Variants in PLCB1 observed in about 807,000 individuals in gnomAD.
PLCB1 encodes the protein phospholipase C beta 1, also known as 1-phosphatidylinositol 4,5-bisphosphate phosphodiesterase beta-1.
Under a neutral mutation model 161.8 loss-of-function variants are expected in PLCB1, and 46 were observed. The ratio of observed to expected loss-of-function variants is 0.28; its 90% CI spans 0.22 to 0.36. PLCB1 has a LOEUF of 0.36. PLCB1 is among the 10% of genes least tolerant of loss of function. The probability of loss-of-function intolerance (pLI) is 1.00; values close to 1 mark genes in which losing one functional copy is unlikely to be tolerated. For synonymous variants in PLCB1, 517 were observed against 503.7 expected, an observed-to-expected ratio of 1.03 and a Z score of -0.35; for missense variants, 1,016 against 1,472.5, an observed-to-expected ratio of 0.69 and a Z score of 5.07.
rs538215898 is a variant in PLCB1, at chr20:8,826,647, A to G, written c.3423+36386A>G. Among the ~76,000 whole-genome samples the G allele has an allele frequency of 4.6e-5, 7 of 152,204 alleles. No individual in the cohort carries two copies. In the South Asian group the frequency reaches 1.5e-3, roughly 32 times the overall value. On this transcript the variant is annotated intron_variant, in intron 31 of 31. Coordinates refer to ENST00000338037, the MANE Select transcript of PLCB1 (RefSeq NM_015192.4). ...CACCATTAACTTAAACTTCTTCTCT[A>G]TTGTTTTGTGTTACCCATGACAGAA...
intron 2 of PLCB1, among the ~76,000 whole-genome samples, chr20:8,239,452 T>C (rs1297748396): frequency 6.6e-6 from 1 of 152,058 alleles, no homozygotes; most frequent in African/African-American, 2.4e-5. Context: ...TGTTTGCAAA[T>C]AAGCCAGTGG....
At chr20:8,802,678 T>G (rs1203367870) in intron 31 of PLCB1, among the ~76,000 whole-genome samples, 1 of 152,164 alleles carries the variant, frequency 6.6e-6, no homozygotes, top group East Asian at 1.9e-4. Flanking sequence ...CAAAATTTAC[T>G]TTATTCCCAC....
chr20:8,244,719 G>A (rs1037567061), intron 2 of PLCB1, among the ~76,000 whole-genome samples: 4 of 151,778 alleles, frequency 2.6e-5, no homozygotes, highest in Non-Finnish European at 4.4e-5. Flanking sequence ...ATGCTATACC[G>A]CAGTAAAAGT....
intron 2 of PLCB1, among the ~76,000 whole-genome samples, chr20:8,168,116 C>G (rs1235609636): frequency 6.6e-6 from 1 of 152,174 alleles, no homozygotes; most frequent in Non-Finnish European, 1.5e-5. Flanking sequence ...GCCCTAGAAG[C>G]AGAATTGCCA....
chr20:8,878,579 T>C (rs1987860031), intron 31 of PLCB1, among the ~76,000 whole-genome samples: 1 of 152,296 alleles, frequency 6.6e-6, no homozygotes, highest in African/African-American at 2.4e-5. Context: ...TCACAGCATG[T>C]TTCCTCCTCG....
rs985616998 is a variant in PLCB1, at chr20:8,602,418, G to T, written c.247-25876G>T. ...CTGAAAATTGAATTAAGCCCTGAAT[G>T]TCAATGGTGAATTAACATGAATAGA... On this transcript the variant is annotated intron_variant, in intron 3 of 31. Coordinates refer to ENST00000338037, the MANE Select transcript of PLCB1 (RefSeq NM_015192.4). Among the ~76,000 whole-genome samples the T allele has an allele frequency of 2.6e-5, 4 of 152,236 alleles. No individual in the cohort carries two copies. The East Asian group carries it at 7.7e-4, about 29-fold the overall frequency.
intron 3 of PLCB1, among the ~76,000 whole-genome samples, chr20:8,460,744 C>T (rs1429354425): frequency 6.6e-6 from 1 of 152,140 alleles, no homozygotes; most frequent in Non-Finnish European, 1.5e-5. Flanking sequence ...TGAAGAAAGC[C>T]CTTAAAGCTT....
At chr20:8,142,639 TAAAG>T (rs2051415824) in intron 1 of PLCB1, among the ~76,000 whole-genome samples, 1 of 152,184 alleles carries the variant, frequency 6.6e-6, no homozygotes, top group Non-Finnish European at 1.5e-5. Context: ...GAAAAGCCCT[TAAAG>T]AAATTCAGAA....
intron 2 of PLCB1, among the ~76,000 whole-genome samples, chr20:8,276,318 G>T (rs1269925554): frequency 6.6e-6 from 1 of 151,756 alleles, no homozygotes; most frequent in Non-Finnish European, 1.5e-5. Context: ...AACTTTTTTT[G>T]TGCACACATG....
intron 2 of PLCB1, among the ~76,000 whole-genome samples, chr20:8,276,349 TG>T (rs1260763312): frequency 6.6e-6 from 1 of 152,208 alleles, no homozygotes; most frequent in Non-Finnish European, 1.5e-5. Flanking sequence ...GTGAGAATAA[TG>T]AAACATAATA....
At chr20:8,203,636 C>T (rs576941780) in intron 2 of PLCB1, among the ~76,000 whole-genome samples, 10 of 151,954 alleles carry the variant, frequency 6.6e-5, no homozygotes, top group African/African-American at 2.2e-4. Flanking sequence ...AAATCAGGTT[C>T]CTGAAAAACA....
At chr20:8,757,294 G>A (rs935238628) in intron 24 of PLCB1, 116 bp downstream of exon 24, 1 of 1,036,942 alleles carries the variant, frequency 9.6e-7, no homozygotes, top group Non-Finnish European at 1.4e-6. Flanking sequence ...AAGATGTGTG[G>A]ACTTAGGAGG....
chr20:8,256,603 A>G (rs895519931), intron 2 of PLCB1: 6 of 152,158 alleles, frequency 3.9e-5, no homozygotes, highest in Non-Finnish European at 7.3e-5. Flanking sequence ...ATAATCTCCA[A>G]TTTTTTGATG....
intron 1 of PLCB1, among the ~76,000 whole-genome samples, chr20:8,142,377 C>T (rs2051413506): frequency 6.6e-6 from 1 of 152,170 alleles, no homozygotes; most frequent in South Asian, 2.1e-4. Context: ...ACTCTGTGAC[C>T]TTCTTAAATG....
At chr20:8,767,628 G>C (rs1255989160) in intron 26 of PLCB1, among the ~76,000 whole-genome samples, 1 of 152,000 alleles carries the variant, frequency 6.6e-6, no homozygotes, top group East Asian at 1.9e-4. Flanking sequence ...CCCGCTCTCA[G>C]AACCCCACAT....
intron 2 of PLCB1, among the ~76,000 whole-genome samples, chr20:8,189,602 G>T (rs924868687): frequency 3.3e-5 from 5 of 152,068 alleles, no homozygotes; most frequent in African/African-American, 1.2e-4. Flanking sequence ...TGAACTTGTG[G>T]TTGAATGTAC....
chr20:8,193,576 G>T (rs953496183), intron 2 of PLCB1, among the ~76,000 whole-genome samples: 19 of 151,972 alleles, frequency 1.3e-4, no homozygotes, highest in Non-Finnish European at 2.2e-4. Context: ...TGTAGTGGGT[G>T]GAAACTGGTA....
intron 31 of PLCB1, among the ~76,000 whole-genome samples, chr20:8,861,015 A>G (rs1987237568): frequency 6.6e-6 from 1 of 152,232 alleles, no homozygotes; most frequent in African/African-American, 2.4e-5. Flanking sequence ...TTACTGATTT[A>G]TTAAATAAAT....
chr20:8,158,845 G>C (rs2051591095), intron 2 of PLCB1, among the ~76,000 whole-genome samples: 1 of 152,202 alleles, frequency 6.6e-6, no homozygotes, highest in African/African-American at 2.4e-5. Context: ...CTCACATCCA[G>C]GTCACACTGA....
Sources: allele counts gnomAD v4.1 joint callset (sites outside exome capture counted in the v4.1 genomes callset), GRCh38; gene constraint gnomAD v4.1.1; transcripts MANE v1.5; gene names NCBI Gene and HGNC (gene_info 2026-07-23, HGNC 2026-07-21).